Variants in KLHL18 observed in about 807,000 individuals in gnomAD.
KLHL18 encodes the protein kelch like family member 18, also known as kelch-like protein 18.
A neutral mutation model predicts 58.5 loss-of-function variants in KLHL18; 38 were observed. The ratio of observed to expected loss-of-function variants is 0.65; its 90% confidence interval spans 0.50 to 0.85. The LOEUF is 0.85. Ranked by LOEUF, KLHL18 falls within the 40% of genes least tolerant of loss-of-function variation. KLHL18 has a pLI of 0.00. For missense variants in KLHL18, 624 were observed against 778.4 expected, an observed-to-expected ratio of 0.80 and a Z score of 2.36; for synonymous variants, 303 against 301.9, an observed-to-expected ratio of 1.00 and a Z score of -0.04.
intron 4 of KLHL18, among the ~76,000 whole-genome samples, chr3:47,331,735 A>AC (rs1703867753): frequency 7.1e-6 from 1 of 141,100 alleles, no homozygotes; most frequent in Non-Finnish European, 1.5e-5. Context: ...GCCAGGCCCG[A>AC]CCTTTTTTTT....
At chr3:47,343,043 G>A (rs1410871387) in intron 9 of KLHL18, among the ~76,000 whole-genome samples, 1 of 152,196 alleles carries the variant, frequency 6.6e-6, no homozygotes, top group Non-Finnish European at 1.5e-5. Context: ...AGTCACATCT[G>A]CAGCCACCAC....
intron 3 of KLHL18, among the ~76,000 whole-genome samples, chr3:47,325,919 C>T (rs963180044): frequency 2.6e-5 from 4 of 152,074 alleles, no homozygotes; most frequent in Non-Finnish European, 2.9e-5. Context: ...AGGTGCCTGC[C>T]ACCATGCCCG....
intron 2 of KLHL18, 45 bp downstream of exon 2, chr3:47,319,828 C>T (rs2107628808): frequency 1.9e-6 from 3 of 1,605,248 alleles, no homozygotes; most frequent in African/African-American, 1.3e-5. Flanking sequence ...TTTCCAAGTG[C>T]AGTTTCAGCC....
At chr3:47,307,352 C>G (rs750109480) in intron 1 of KLHL18, among the ~76,000 whole-genome samples, 1 of 152,058 alleles carries the variant, frequency 6.6e-6, no homozygotes, top group African/African-American at 2.4e-5. Context: ...GGATTACAGG[C>G]GTGAGCCACC....
At chr3:47,292,904 CAA>C (rs35830922) in intron 1 of KLHL18, among the ~76,000 whole-genome samples, 8,042 of 109,290 alleles carry the variant, frequency 0.074, 676 homozygotes, top group African/African-American at 0.24. Context: ...GACCCTGTCT[CAA>C]AAAAAAAAAA....
chr3:47,341,895 TTAA>T (rs1704116011), intron 8 of KLHL18, among the ~76,000 whole-genome samples: 1 of 102,028 alleles, frequency 9.8e-6, no homozygotes. Flanking sequence ...CCTGTCTCTT[TTAA>T]AAAAAAAAAA....
At chr3:47,336,089 C>T (rs983516981) in intron 6 of KLHL18, among the ~76,000 whole-genome samples, 7 of 152,170 alleles carry the variant, frequency 4.6e-5, no homozygotes, top group African/African-American at 1.4e-4. Context: ...GGTGCTTTAC[C>T]TGTTATATCA....
At chr3:47,304,527 A>T (rs1703096920) in intron 1 of KLHL18, among the ~76,000 whole-genome samples, 1 of 152,194 alleles carries the variant, frequency 6.6e-6, no homozygotes, top group Non-Finnish European at 1.5e-5. Context: ...TGTTAGATTT[A>T]CACATAAGTA....
intron 4 of KLHL18, among the ~76,000 whole-genome samples, chr3:47,331,221 G>A (rs1053002313): frequency 6.6e-6 from 1 of 151,926 alleles, no homozygotes; most frequent in Non-Finnish European, 1.5e-5. Context: ...CTGCCTCCCG[G>A]GTTCAAGCAA....
chr3:47,342,790 A>G lies in KLHL18; in HGVS notation c.1298A>G (p.Tyr433Cys), dbSNP rs1363793068. 1 of 1,614,050 alleles carries G rather than the reference A, an allele frequency of 6.2e-7. No homozygotes were observed. The highest frequency in any genetic ancestry group is 8.5e-7 in the Non-Finnish European group (1 of 1,180,026). Residue 433 changes from tyrosine to cysteine, a missense_variant, in exon 9 of 10, where the codon TAT (tyrosine) becomes TGT (cysteine). Transcript: ENST00000232766. ...AGVTVFEGRI[Y>C]VSGGHDGLQI... is the part of the protein sequence containing the mutation. The stretch of plus-strand genomic sequence containing the variant: ...GTTACAGTCTTTGAGGGCAGGATAT[A>G]TGTGTCAGGCGGCCATGATGGTTTG...
chr3:47,326,316 G>T (rs945777858), intron 3 of KLHL18, among the ~76,000 whole-genome samples: 2 of 152,140 alleles, frequency 1.3e-5, no homozygotes, highest in Non-Finnish European at 2.9e-5. Flanking sequence ...AATGAACCAC[G>T]TCAGTAACCT....
chr3:47,318,018 G>A lies in KLHL18; in HGVS notation c.130-1635G>A, dbSNP rs915469593. On this transcript the variant is annotated intron_variant, in intron 1 of 9. Coordinates refer to ENST00000232766, the MANE Select transcript of KLHL18 (RefSeq NM_025010.5). ...CAAGTAGCTGGGATTACAGGCATGCGCCCACTAATTTTTGTATTTATTGTA... is the reference window on the plus strand; with the variant it reads ...CAAGTAGCTGGGATTACAGGCATGCACCCACTAATTTTTGTATTTATTGTA... Among the ~76,000 whole-genome samples, 11 of 151,920 alleles carry A rather than the reference G, an allele frequency of 7.2e-5. No homozygotes were observed. In the South Asian group the frequency reaches 1.5e-3, roughly 20 times the overall value.
intron 4 of KLHL18, among the ~76,000 whole-genome samples, chr3:47,332,233 C>T (rs1414696713): frequency 6.6e-6 from 1 of 151,986 alleles, no homozygotes; most frequent in Non-Finnish European, 1.5e-5. Context: ...AAACTCCTGG[C>T]CTGTAATCCC....
intron 1 of KLHL18, among the ~76,000 whole-genome samples, chr3:47,310,443 A>G (rs781496440): frequency 2.0e-5 from 3 of 152,164 alleles, no homozygotes; most frequent in Non-Finnish European, 2.9e-5. Context: ...GAAGTTCTTC[A>G]AGGCTGTCTT....
chr3:47,309,437 G>C (rs367709526), intron 1 of KLHL18, among the ~76,000 whole-genome samples: 1 of 149,990 alleles, frequency 6.7e-6, no homozygotes, highest in African/African-American at 2.5e-5. Flanking sequence ...GGGCAGAGGC[G>C]CTCCTCACAT....
At chr3:47,327,423 G>C (rs1703752128) in intron 3 of KLHL18, among the ~76,000 whole-genome samples, 1 of 152,180 alleles carries the variant, frequency 6.6e-6, no homozygotes, top group Non-Finnish European at 1.5e-5. Context: ...TCTGCCCCGT[G>C]GCATTTTGAA....
Position 47,334,817 on chromosome 3 carries a change from C to A in KLHL18, c.896C>A (p.Ala299Glu). ...TACGCTGTAGGGGGCCTCAACTCAG[C>A]AGGTACCTTGCGGCTCCCCTTTATA... Reference protein sequence around the residue: ...LIYAVGGLNSAGDSLNVVEVF... With the variant: ...LIYAVGGLNSEGDSLNVVEVF... The change falls in exon 6 of 10, where the codon GCA becomes GAA. Residue 299 changes from alanine to glutamate, a missense_variant and splice_region_variant. Coordinates refer to ENST00000232766, the MANE Select transcript of KLHL18 (RefSeq NM_025010.5). This position sits in a 1 kb window ranked among gnomAD's most constrained non-coding sequence, Gnocchi z 4.7. 1.9e-6 allele frequency: 3 copies of A among 1,611,774 alleles called. No homozygotes were observed. Among genetic ancestry groups the A allele is most frequent in the Non-Finnish European group, 2.5e-6 (3 of 1,178,802 alleles).
intron 1 of KLHL18, among the ~76,000 whole-genome samples, chr3:47,288,983 C>T (rs1368320087): frequency 6.6e-6 from 1 of 152,220 alleles, no homozygotes; most frequent in Non-Finnish European, 1.5e-5. Context: ...GTTGGGCACA[C>T]TTGCTAGGTT....
chr3:47,333,766 C>T (rs1434325477), intron 5 of KLHL18, among the ~76,000 whole-genome samples: 1 of 152,186 alleles, frequency 6.6e-6, no homozygotes. Context: ...TTTACATCTA[C>T]GATGATGGGC....
Sources: gnomAD v4.1 joint callset for allele counts (sites outside exome capture counted in the v4.1 genomes callset) on GRCh38, gnomAD v4.1.1 for gene constraint, Gnocchi (gnomAD v3.1) non-coding constraint, MANE v1.5 for transcripts, NCBI Gene and HGNC (gene_info 2026-07-23, HGNC 2026-07-21) for gene names.